Variants in FOXA1 observed in about 807,000 individuals in gnomAD.
FOXA1 encodes the protein hepatocyte nuclear factor 3-alpha.
FOXA1 carries 9 observed loss-of-function variants against 29.2 expected under a neutral mutation model. The observed-to-expected ratio is 0.31, with a 90% CI of 0.19 to 0.54. The LOEUF (loss-of-function observed/expected upper bound fraction) is 0.54. Ranked by LOEUF, FOXA1 falls within the 20% of genes least tolerant of loss-of-function variation. The probability of loss-of-function intolerance (pLI) is 0.95; values close to 1 mark genes in which losing one functional copy is unlikely to be tolerated. For synonymous variants in FOXA1, 340 were observed against 300.9 expected, an observed-to-expected ratio of 1.13 and a Z score of -1.34; for missense variants, 644 against 681.2, an observed-to-expected ratio of 0.95 and a Z score of 0.61.
Position 37,591,235 on chromosome 14 carries a change from T to G in FOXA1, c.*130A>C. On this transcript the variant is annotated 3_prime_UTR_variant, in exon 2 of 2. Transcript: ENST00000250448. Reference sequence around the variant, plus strand: ...TGGGGGAAAGGTTGTGCATGAAAAATGAAATAAAAATAGTTGTTGGGATTT... The same window carrying G: ...TGGGGGAAAGGTTGTGCATGAAAAAGGAAATAAAAATAGTTGTTGGGATTT... The G allele has an allele frequency of 3.6e-6, 4 of 1,123,718 alleles. No homozygotes were observed. The highest frequency in any genetic ancestry group is 5.2e-6 in the Non-Finnish European group (4 of 770,482). 69.6% of individuals were successfully genotyped at this position (1,123,718 alleles called of 1,614,324 possible). A position where few individuals can be genotyped will look rare whatever the true frequency, so the allele number is the denominator to read the frequency against.
In FOXA1 at chr14:37,591,014, T is replaced by A. The variant is rs1362677267; in HGVS notation, c.*351A>T. 4.9e-6 allele frequency: 2 copies of A among 408,802 alleles called. No homozygotes were observed. Among genetic ancestry groups the A allele is most frequent in the Non-Finnish European group, 4.5e-6 (1 of 221,954 alleles). 25.3% of individuals were successfully genotyped at this position (408,802 alleles called of 1,614,324 possible). On this transcript the variant is annotated 3_prime_UTR_variant, in exon 2 of 2. Coordinates refer to ENST00000250448, the MANE Select transcript of FOXA1 (RefSeq NM_004496.5). ...TGACCATCTTCCTTTTTTGTTTTTT[T>A]AAATAACCCTCCACAAACTAGAATG... is the stretch of plus-strand genomic sequence containing the variant.
rs754968432 is a variant in FOXA1, at chr14:37,591,951, C to G, written c.833G>C (p.Gly278Ala). 6.6e-7 allele frequency: 1 copy of G among 1,520,990 alleles called. No homozygotes were observed. Among genetic ancestry groups the G allele is most frequent in the Non-Finnish European group, 8.8e-7 (1 of 1,137,508 alleles). The allele number at this position is 1,520,990 out of a possible 1,614,324, so 94.2% of individuals were successfully genotyped here. The change falls in exon 2 of 2, where the codon GGC becomes GCC. Residue 278 changes from glycine (G) to alanine (A), a missense_variant. Gly to Ala is a moderately conservative substitution (Grantham distance 60, BLOSUM62 0). Around this residue, in one of 5 missense-constraint regions of FOXA1, gnomAD observed 295 missense variants for 294.4 expected, o/e 1.00. Coordinates refer to ENST00000250448, the MANE Select transcript of FOXA1 (RefSeq NM_004496.5). Reference protein sequence around the residue: ...CEKQPGAGGGGGSGSGGSGAK... With the variant: ...CEKQPGAGGGAGSGSGGSGAK... Reference sequence around the variant, plus strand: ...GCCGCTGCCCCCGCTTCCGCTCCCGCCCCCGCCGCCGGCCCCCGGCTGCTT... The same window carrying G: ...GCCGCTGCCCCCGCTTCCGCTCCCGGCCCCGCCGCCGGCCCCCGGCTGCTT...
Position 37,592,637 on chromosome 14 carries a change from G to C in FOXA1, c.147C>G (p.Thr49=). The change falls in exon 2 of 2, where the codon ACC becomes ACG. Residue 49 remains threonine, a synonymous_variant. Coordinates refer to ENST00000250448, the MANE Select transcript of FOXA1 (RefSeq NM_004496.5). ...GSMNSMNTYM[T]MNTMTTSGNM... is the part of the protein sequence containing the mutation. ...TGCCGCTCGTAGTCATGGTGTTCAT[G>C]GTCATGTAGGTGTTCATGGAGTTCA... is the stretch of plus-strand genomic sequence containing the variant. 6.2e-7 allele frequency: 1 copy of C among 1,614,228 alleles called. No homozygotes were observed. The highest frequency in any genetic ancestry group is 1.3e-5 in the African/African-American group (1 of 75,070).
In FOXA1 at chr14:37,594,901, C is replaced by A; in HGVS notation, c.72G>T (p.Glu24Asp). 1 of 1,571,882 alleles carries A rather than the reference C, an allele frequency of 6.4e-7. No individual in the cohort carries two copies. The highest frequency in any genetic ancestry group is 8.7e-7 in the Non-Finnish European group (1 of 1,153,754). ...CCGCCCGCCTCGCCTTGCCTCTCAC[C>A]TCCTGCGTGTCTGCGTAGTAGCTGT... ...DWNSYYADTQ[E>D]AYSSVPVSNM... The change falls in exon 1 of 2, where the codon GAG (glutamate) becomes GAT (aspartate). Residue 24 changes from glutamate to aspartate, a missense_variant and splice_region_variant. Transcript: ENST00000250448.
Position 37,592,337 on chromosome 14 carries a change from G to T in FOXA1, c.447C>A (p.Gly149=), listed in dbSNP as rs374997841. 369 of 1,599,514 alleles carry T rather than the reference G, an allele frequency of 2.3e-4. 4 individuals carry two copies. In the South Asian group the frequency reaches 2.9e-3, roughly 13 times the overall value. The change falls in exon 2 of 2, where the codon GGC becomes GGA. Residue 149 remains glycine, a synonymous_variant. Transcript: ENST00000250448. ...CGCCGCCGCCGCCCGCGCGGCTGCG[G>T]CCCAGGTTGGACGGCGCGTACGCCA... is the stretch of plus-strand genomic sequence containing the variant. The part of the protein sequence containing the change: ...SPMAYAPSNL[G]RSRAGGGGDA...
rs2095601622 is a variant in FOXA1, at chr14:37,595,247, T to C, written c.-275A>G. 3.1e-6 allele frequency: 1 copy of C among 317,714 alleles called. No individual in the cohort carries two copies. 19.7% of individuals were successfully genotyped at this position (317,714 alleles called of 1,614,324 possible). A position where few individuals can be genotyped will look rare whatever the true frequency, so the allele number is the denominator to read the frequency against. On this transcript the variant is annotated 5_prime_UTR_variant, in exon 1 of 2. Coordinates refer to ENST00000250448, the MANE Select transcript of FOXA1 (RefSeq NM_004496.5). ...CTCCGCGGGAAGTGAGCGGGCTGCC[T>C]CTGCGAGGCAAGTGCAGTTGAGCTG...
rs896728690 is a variant in FOXA1, at chr14:37,591,919, C to T, written c.865G>A (p.Gly289Ser). The stretch of plus-strand genomic sequence containing the variant: ...GGGTCCTTGCGGCTCTCAGGGCCGC[C>T]CTTGGCGCCGCTGCCCCCGCTTCCG... ...GSGSGGSGAK[G>S]GPESRKDPSG... The change falls in exon 2 of 2, where the codon GGC becomes AGC. Residue 289 changes from glycine to serine, a missense_variant. Transcript: ENST00000250448. 16 of 1,484,312 alleles carry T rather than the reference C, an allele frequency of 1.1e-5. No individual in the cohort carries two copies. Among genetic ancestry groups the T allele is most frequent in the Admixed American group, 2.4e-5 (1 of 41,494 alleles). 91.9% of individuals were successfully genotyped at this position (1,484,312 alleles called of 1,614,324 possible).
rs1229555426 is a variant in FOXA1 at position 37,594,997 on chromosome 14, A to G, written c.-25T>C. The stretch of plus-strand genomic sequence containing the variant: ...TCCTGGAGCCACCCTGCCCAATACA[A>G]CCATCCAGCCCTGTGCGAAGCGACG... On this transcript the variant is annotated 5_prime_UTR_variant, in exon 1 of 2. Coordinates refer to ENST00000250448, the MANE Select transcript of FOXA1 (RefSeq NM_004496.5). 2.9e-6 allele frequency: 4 copies of G among 1,397,568 alleles called. No homozygotes were observed. Among genetic ancestry groups the G allele is most frequent in the Non-Finnish European group, 3.9e-6 (4 of 1,021,580 alleles). The allele number at this position is 1,397,568 out of a possible 1,614,324, so 86.6% of individuals were successfully genotyped here.
Position 37,589,763 on chromosome 14 carries a change from A to G in FOXA1, c.*1602T>C, listed in dbSNP as rs1163212575. ...GAAGTAAACATCACTGGGAATAAAG[A>G]ATCTTAAAAATCTCAACTCTTGGAA... On this transcript the variant is annotated 3_prime_UTR_variant, in exon 2 of 2. Transcript: ENST00000250448. Among the ~76,000 whole-genome samples, 9 of 152,132 alleles carry G rather than the reference A, an allele frequency of 5.9e-5. No individual in the cohort carries two copies. Among genetic ancestry groups the G allele is most frequent in the Non-Finnish European group, 1.3e-4 (9 of 68,016 alleles).
chr14:37,595,243 T>C lies in FOXA1; in HGVS notation c.-271A>G. ...GCGCCTCCGCGGGAAGTGAGCGGGC[T>C]GCCTCTGCGAGGCAAGTGCAGTTGA... On this transcript the variant is annotated 5_prime_UTR_variant, in exon 1 of 2. Coordinates refer to ENST00000250448, the MANE Select transcript of FOXA1 (RefSeq NM_004496.5). 3.2e-6 allele frequency: 1 copy of C among 313,580 alleles called. No individual in the cohort carries two copies. Among genetic ancestry groups the C allele is most frequent in the East Asian group, 4.7e-5 (1 of 21,198 alleles). 19.4% of individuals were successfully genotyped at this position (313,580 alleles called of 1,614,324 possible). A position where few individuals can be genotyped will look rare whatever the true frequency, so the allele number is the denominator to read the frequency against.
Position 37,591,246 on chromosome 14 carries a change from T to C in FOXA1, c.*119A>G, listed in dbSNP as rs760722682. The C allele has an allele frequency of 2.5e-6, 3 of 1,192,074 alleles. No individual in the cohort carries two copies. The highest frequency in any genetic ancestry group is 3.6e-6 in the Non-Finnish European group (3 of 827,530). 73.8% of individuals were successfully genotyped at this position (1,192,074 alleles called of 1,614,324 possible). A position where few individuals can be genotyped will look rare whatever the true frequency, so the allele number is the denominator to read the frequency against. Reference sequence around the variant, plus strand: ...TTGTGCATGAAAAATGAAATAAAAATAGTTGTTGGGATTTTATTATGCTGT... The same window carrying C: ...TTGTGCATGAAAAATGAAATAAAAACAGTTGTTGGGATTTTATTATGCTGT... On this transcript the variant is annotated 3_prime_UTR_variant, in exon 2 of 2. Transcript: ENST00000250448.
Position 37,595,246 on chromosome 14 carries a change from C to G in FOXA1, c.-274G>C. 1 of 319,194 alleles carries G rather than the reference C, an allele frequency of 3.1e-6. No individual in the cohort carries two copies. The highest frequency in any genetic ancestry group is 5.7e-6 in the Non-Finnish European group (1 of 175,074). 19.8% of individuals were successfully genotyped at this position (319,194 alleles called of 1,614,324 possible). A position where few individuals can be genotyped will look rare whatever the true frequency, so the allele number is the denominator to read the frequency against. ...CCTCCGCGGGAAGTGAGCGGGCTGC[C>G]TCTGCGAGGCAAGTGCAGTTGAGCT... is the stretch of plus-strand genomic sequence containing the variant. On this transcript the variant is annotated 5_prime_UTR_variant, in exon 1 of 2. Transcript: ENST00000250448.
Position 37,591,257 on chromosome 14 carries a change from A to G in FOXA1, c.*108T>C. 2 of 1,323,948 alleles carry G rather than the reference A, an allele frequency of 1.5e-6. No homozygotes were observed. Among genetic ancestry groups the G allele is most frequent in the Non-Finnish European group, 2.1e-6 (2 of 940,216 alleles). 82.0% of individuals were successfully genotyped at this position (1,323,948 alleles called of 1,614,324 possible). On this transcript the variant is annotated 3_prime_UTR_variant, in exon 2 of 2. Transcript: ENST00000250448. ...AAATGAAATAAAAATAGTTGTTGGGATTTTATTATGCTGTTGACGGTTTGG... is the reference window on the plus strand; with the variant it reads ...AAATGAAATAAAAATAGTTGTTGGGGTTTTATTATGCTGTTGACGGTTTGG...
Position 37,591,962 on chromosome 14 carries a change from GGCCCCC to G in FOXA1, c.816_821del (p.Ala274_Gly275del). The G allele has an allele frequency of 1.3e-6, 2 of 1,539,410 alleles. No individual in the cohort carries two copies. The highest frequency in any genetic ancestry group is 1.7e-6 in the Non-Finnish European group (2 of 1,147,334). On this transcript the variant is annotated inframe_deletion, in exon 2 of 2. Coordinates refer to ENST00000250448, the MANE Select transcript of FOXA1 (RefSeq NM_004496.5). ...CGCTTCCGCTCCCGCCCCCGCCGCC[GGCCCCC>G]GGCTGCTTCTCGCACTTGAAGCGCT...
chr14:37,594,288 G>T (rs2095599509), intron 1 of FOXA1: 1 of 1,196,132 alleles, frequency 8.4e-7, no homozygotes, highest in Non-Finnish European at 1.1e-6. Flanking sequence ...GCCACCAAGG[G>T]GACAATGAAG....
At chr14:37,594,865 C>T in intron 1 of FOXA1, 36 bp downstream of exon 1, 1 of 1,530,154 alleles carries the variant, frequency 6.5e-7, no homozygotes, top group Non-Finnish European at 8.9e-7. Flanking sequence ...GCTCCAGCGG[C>T]GCCCCACCGG....
intron 1 of FOXA1, among the ~76,000 whole-genome samples, chr14:37,592,934 G>A (rs2095597634): frequency 6.6e-6 from 1 of 152,226 alleles, no homozygotes. Flanking sequence ...AAAGATAAAC[G>A]CTCACAGAAA....
At chr14:37,592,860 C>T in intron 1 of FOXA1, 149 bp from the exon 2 acceptor site, 1 of 907,242 alleles carries the variant, frequency 1.1e-6, no homozygotes. Flanking sequence ...TGGCTAAGCG[C>T]CCTCCCCAGA....
In FOXA1 at chr14:37,591,552, T is replaced by C; in HGVS notation, c.1232A>G (p.Gln411Arg). ...SINNLMSSSE[Q>R]QHKLDFKAYE... Reference sequence around the variant, plus strand: ...TGCCTTGAAGTCCAGCTTATGCTGCTGCTCCGAGGAGGACATGAGGTTGTT... The same window carrying C: ...TGCCTTGAAGTCCAGCTTATGCTGCCGCTCCGAGGAGGACATGAGGTTGTT... Residue 411 changes from glutamine (Q) to arginine (R), a missense_variant, in exon 2 of 2, where the codon CAG (glutamine) becomes CGG (arginine). Transcript: ENST00000250448. 6.2e-7 allele frequency: 1 copy of C among 1,614,234 alleles called. No individual in the cohort carries two copies. The highest frequency in any genetic ancestry group is 8.5e-7 in the Non-Finnish European group (1 of 1,180,042).
Sources: gnomAD v4.1 joint callset for allele counts (sites outside exome capture counted in the v4.1 genomes callset) on GRCh38, gnomAD v4.1.1 for gene constraint, gnomAD v4.1.1 regional missense constraint, MANE v1.5 for transcripts, NCBI Gene and HGNC (gene_info 2026-07-23, HGNC 2026-07-21) for gene names.